Variants in BMAL2 observed in about 807,000 individuals in gnomAD.
BMAL2 encodes the protein basic helix-loop-helix ARNT like 2.
At chr12:27,360,682 T>TAATTAA in the BMAL2 span, among the ~76,000 whole-genome samples, 1 of 151,902 alleles carries the variant, frequency 6.6e-6, no homozygotes, top group Non-Finnish European at 1.5e-5. Flanking sequence ...ATCAGTAACC[T>TAATTAA]TCTGGTTTTC....
the BMAL2 span, among the ~76,000 whole-genome samples, chr12:27,393,225 C>T: frequency 2.0e-5 from 3 of 152,212 alleles, no homozygotes; most frequent in African/African-American, 7.2e-5. Flanking sequence ...GATCTTCCAA[C>T]CAAATCCACT....
the BMAL2 span, among the ~76,000 whole-genome samples, chr12:27,411,680 T>G: frequency 6.6e-6 from 1 of 152,212 alleles, no homozygotes; most frequent in Non-Finnish European, 1.5e-5. Flanking sequence ...GCCCACTATT[T>G]AATCAAGTTG....
At chr12:27,366,131 C>T in the BMAL2 span, among the ~76,000 whole-genome samples, 3 of 151,874 alleles carry the variant, frequency 2.0e-5, no homozygotes, top group African/African-American at 7.3e-5. Context: ...TCTTTTTGTT[C>T]CTGGCTTCCA....
the BMAL2 span, among the ~76,000 whole-genome samples, chr12:27,353,747 A>C: frequency 6.6e-6 from 1 of 152,232 alleles, no homozygotes. Context: ...CTGTATTAAA[A>C]AAACGGGCAA....
At chr12:27,339,367 G>A in the BMAL2 span, among the ~76,000 whole-genome samples, 1 of 152,144 alleles carries the variant, frequency 6.6e-6, no homozygotes, top group Non-Finnish European at 1.5e-5. Context: ...CCATTTATGG[G>A]AACCTAGGTT....
the BMAL2 span, chr12:27,403,534 T>A: frequency 3.2e-6 from 5 of 1,578,704 alleles, no homozygotes; most frequent in Non-Finnish European, 4.3e-6. Context: ...AATTCTGGAT[T>A]TACAGAGGTA....
At chr12:27,369,481 C>A in the BMAL2 span, among the ~76,000 whole-genome samples, 1 of 152,160 alleles carries the variant, frequency 6.6e-6, no homozygotes, top group Non-Finnish European at 1.5e-5. Context: ...TGTCTCTATT[C>A]CCTTAGTCTC....
At chr12:27,376,304 G>C in the BMAL2 span, 39 of 1,537,006 alleles carry the variant, frequency 2.5e-5, 1 homozygote, top group African/African-American at 4.9e-4. Context: ...CTACAGAAAA[G>C]GTACTTCATG....
the BMAL2 span, chr12:27,402,695 T>G: frequency 6.3e-7 from 1 of 1,598,434 alleles, no homozygotes. Context: ...TACTTTTAGA[T>G]GATGGAAGAC....
chr12:27,356,859 G>A, the BMAL2 span, among the ~76,000 whole-genome samples: 4 of 152,074 alleles, frequency 2.6e-5, no homozygotes, highest in East Asian at 5.8e-4. Context: ...CCCATCACCC[G>A]AGCAGTATAC....
the BMAL2 span, among the ~76,000 whole-genome samples, chr12:27,411,109 T>C: frequency 6.6e-6 from 1 of 152,140 alleles, no homozygotes; most frequent in African/African-American, 2.4e-5. Flanking sequence ...CATTGTAGTA[T>C]ACAGAATAGT....
the BMAL2 span, among the ~76,000 whole-genome samples, chr12:27,391,443 T>C: frequency 6.6e-6 from 1 of 152,072 alleles, no homozygotes; most frequent in South Asian, 2.1e-4. Flanking sequence ...CCACCAGGGA[T>C]GGGCACCTAG....
the BMAL2 span, chr12:27,401,186 T>C: frequency 1.7e-6 from 2 of 1,181,418 alleles, no homozygotes; most frequent in African/African-American, 3.0e-5. Flanking sequence ...CCTGACCATA[T>C]GTGGGCCTAC....
the BMAL2 span, among the ~76,000 whole-genome samples, chr12:27,413,603 A>T: frequency 1.2e-4 from 18 of 152,226 alleles, no homozygotes; most frequent in African/African-American, 4.3e-4. Context: ...GGAACAAAGG[A>T]ACTACAAAAC....
the BMAL2 span, among the ~76,000 whole-genome samples, chr12:27,367,548 G>C: frequency 1.1e-4 from 17 of 152,210 alleles, no homozygotes; most frequent in Middle Eastern, 3.4e-3. Flanking sequence ...ACATTGGTTT[G>C]TGTAACATTG....
the BMAL2 span, among the ~76,000 whole-genome samples, chr12:27,361,079 A>G: frequency 6.6e-6 from 1 of 152,216 alleles, no homozygotes; most frequent in Non-Finnish European, 1.5e-5. Flanking sequence ...AAATGAAAGA[A>G]GCCATTTTGC....
At chr12:27,340,324 G>A in the BMAL2 span, among the ~76,000 whole-genome samples, 3 of 152,174 alleles carry the variant, frequency 2.0e-5, no homozygotes, top group African/African-American at 7.2e-5. Context: ...CATATTGCTA[G>A]CCAGTTATCC....
At chr12:27,348,163 C>A in the BMAL2 span, among the ~76,000 whole-genome samples, 1 of 152,230 alleles carries the variant, frequency 6.6e-6, no homozygotes, top group African/African-American at 2.4e-5. Context: ...CCATTCATAT[C>A]TCTTCCCTCG....
At chr12:27,405,204 A>G in the BMAL2 span, among the ~76,000 whole-genome samples, 1 of 152,066 alleles carries the variant, frequency 6.6e-6, no homozygotes, top group Non-Finnish European at 1.5e-5. Flanking sequence ...GCAGCAGAAA[A>G]CTCTGCAGAC....
Sources: allele counts gnomAD v4.1 joint callset (sites outside exome capture counted in the v4.1 genomes callset), GRCh38; gene constraint gnomAD v4.1.1; transcripts MANE v1.5; gene names NCBI Gene and HGNC (gene_info 2026-07-23, HGNC 2026-07-21).